Variants in SORCS1 observed in about 807,000 individuals in gnomAD.
SORCS1 encodes VPS10 domain-containing receptor SorCS1.
In SORCS1, 60 loss-of-function variants were observed where a neutral mutation model predicts 146.1. The ratio of observed to expected loss-of-function variants is 0.41; its 90% CI spans 0.33 to 0.51. The LOEUF (loss-of-function observed/expected upper bound fraction) is 0.51, where lower values mean the gene tolerates loss of function less well. Ranked by LOEUF, SORCS1 falls within the 20% of genes least tolerant of loss-of-function variation. The pLI is 0.21. For synonymous variants in SORCS1, 637 were observed against 584.0 expected, an observed-to-expected ratio of 1.09 and a Z score of -1.31; for missense variants, 1,352 against 1,487.6, an observed-to-expected ratio of 0.91 and a Z score of 1.50.
At chr10:106,844,178 T>C (rs911402603) in intron 2 of SORCS1, among the ~76,000 whole-genome samples, 1 of 152,254 alleles carries the variant, frequency 6.6e-6, no homozygotes, top group South Asian at 2.1e-4. Flanking sequence ...GCTTTTTATA[T>C]GCCATCTTTG....
chr10:106,845,072 T>C lies in SORCS1; in HGVS notation c.627-15399A>G, dbSNP rs1311282391. ...TGCATATGTCTTTATAGCAGCATGA[T>C]TTATAGTCCTTTGGGTATATACCCA... is the stretch of plus-strand genomic sequence containing the variant. On this transcript the variant is annotated intron_variant, in intron 2 of 25. Transcript: ENST00000263054. 2.4e-4 allele frequency among the ~76,000 whole-genome samples: 28 copies of C among 115,928 alleles called. 5 individuals carry two copies. In the Admixed American group the frequency reaches 2.5e-3, roughly 10 times the overall value. The allele number at this position is 115,928 out of a possible 152,430, so 76.1% of individuals were successfully genotyped here. A position where few individuals can be genotyped will look rare whatever the true frequency, so the allele number is the denominator to read the frequency against.
rs1847470099 is a variant in SORCS1, at chr10:106,617,758, AT to A, written c.2920+390del. On this transcript the variant is annotated intron_variant, in intron 21 of 25. Transcript: ENST00000263054. ...TTTTAAAGTATTTAGACAATGGCAG[AT>A]TTCCCTTATTAGTCAAGAATTTTAA... Among the ~76,000 whole-genome samples the A allele has an allele frequency of 2.6e-5, 4 of 151,962 alleles. No individual in the cohort carries two copies. In the South Asian group the frequency reaches 8.3e-4, roughly 32 times the overall value.
At chr10:106,926,335 C>A (rs1324611380) in intron 2 of SORCS1, among the ~76,000 whole-genome samples, 1 of 152,086 alleles carries the variant, frequency 6.6e-6, no homozygotes, top group Admixed American at 6.5e-5. Flanking sequence ...AGACTAAAGT[C>A]AAAAATAACT....
chr10:107,065,448 T>TTTCTTTCTTTC (rs147159020), intron 1 of SORCS1, among the ~76,000 whole-genome samples: 1 of 121,558 alleles, frequency 8.2e-6, no homozygotes, highest in African/African-American at 3.4e-5. Flanking sequence ...TCTTTCTTTC[T>TTTCTTTCTTTC]TTTCTCTCTT....
At chr10:106,986,302 A>G (rs1217843659) in intron 1 of SORCS1, among the ~76,000 whole-genome samples, 2 of 152,140 alleles carry the variant, frequency 1.3e-5, no homozygotes, top group Non-Finnish European at 2.9e-5. Context: ...CACGTGTAAA[A>G]AAATGATAAA....
At chr10:107,160,068 G>A (rs1175682058) in intron 1 of SORCS1, among the ~76,000 whole-genome samples, 1 of 152,176 alleles carries the variant, frequency 6.6e-6, no homozygotes, top group Non-Finnish European at 1.5e-5. Context: ...AACAACCAAA[G>A]CACTACTTAA....
At chr10:107,079,582 C>T (rs1194763098) in intron 1 of SORCS1, among the ~76,000 whole-genome samples, 1 of 152,188 alleles carries the variant, frequency 6.6e-6, no homozygotes, top group African/African-American at 2.4e-5. Context: ...AGCCAGAACA[C>T]AGAAAGGCTG....
chr10:107,139,720 C>T (rs561108060), intron 1 of SORCS1, among the ~76,000 whole-genome samples: 1 of 152,188 alleles, frequency 6.6e-6, no homozygotes, highest in East Asian at 1.9e-4. Context: ...GCAAGCTCTT[C>T]ACTGAACTAT....
intron 1 of SORCS1, among the ~76,000 whole-genome samples, chr10:107,033,102 A>G (rs920817902): frequency 1.3e-5 from 2 of 152,182 alleles, no homozygotes; most frequent in East Asian, 3.8e-4. Context: ...CTGGTTGGGG[A>G]GGCCTCAGGA....
chr10:106,805,197 T>C lies in SORCS1; in HGVS notation c.726+24377A>G, dbSNP rs566281027. ...ATCATAGCTGCAAATTAAACTAAAA[T>C]GGTGTTTAGAGATAACAAATCAATG... is the stretch of plus-strand genomic sequence containing the variant. On this transcript the variant is annotated intron_variant, in intron 3 of 25. Transcript: ENST00000263054. Among the ~76,000 whole-genome samples the C allele has an allele frequency of 1.5e-4, 23 of 152,284 alleles. No homozygotes were observed. The South Asian group carries it at 1.9e-3, about 12-fold the overall frequency.
rs767296473 is a variant in SORCS1, at chr10:106,671,312, C to T, written c.2114G>A (p.Arg705Gln). The change falls in exon 16 of 26, where the codon CGG becomes CAG. Residue 705 changes from arginine (R) to glutamine (Q), a missense_variant. Physicochemically the swap from Arg to Gln is conservative, Grantham distance 43. Transcript: ENST00000263054. ...TGCATATTTTCCTTGCATACACTTC[C>T]GCTCTGATTTTCGCTTCTTATATAT... ...KRIYKKRKSE[R>Q]KCMQGKYAGA... The T allele has an allele frequency of 1.5e-5, 25 of 1,614,030 alleles. No homozygotes were observed. Among genetic ancestry groups the T allele is most frequent in the Middle Eastern group, 1.6e-4 (1 of 6,084 alleles).
intron 25 of SORCS1, chr10:106,579,071 G>A: frequency 1.9e-6 from 3 of 1,612,854 alleles, no homozygotes; most frequent in Non-Finnish European, 2.5e-6. Context: ...AACAGCTGGT[G>A]GCTACTGGGA....
rs571710898 is a variant in SORCS1 at position 106,765,218 on chromosome 10, C to T, written c.886-3557G>A. ...TTCTAAAGTATCTGTGACTACATTG[C>T]ATTAGTAAATACAACTTAATGAGCA... On this transcript the variant is annotated intron_variant, in intron 4 of 25. Transcript: ENST00000263054. 1.4e-4 allele frequency among the ~76,000 whole-genome samples: 21 copies of T among 152,190 alleles called. No individual in the cohort carries two copies. The South Asian group carries it at 3.9e-3, about 29-fold the overall frequency.
At chr10:106,584,408 C>T (rs1845100686) in intron 24 of SORCS1, among the ~76,000 whole-genome samples, 1 of 152,216 alleles carries the variant, frequency 6.6e-6, no homozygotes, top group Admixed American at 6.5e-5. Context: ...TAGACTGAGG[C>T]AGCTCTGGCG....
chr10:106,904,031 G>C (rs553985030), intron 2 of SORCS1, among the ~76,000 whole-genome samples: 37 of 152,274 alleles, frequency 2.4e-4, no homozygotes, highest in African/African-American at 8.9e-4. Context: ...GCTGTTTTGT[G>C]CTTATAGATG....
At chr10:106,705,887 T>C (rs1267169033) in intron 8 of SORCS1, among the ~76,000 whole-genome samples, 1 of 152,140 alleles carries the variant, frequency 6.6e-6, no homozygotes, top group East Asian at 1.9e-4. Flanking sequence ...TTTGGGGAAG[T>C]CTAAAAAATT....
chr10:107,066,152 C>A lies in SORCS1; in HGVS notation c.558+97817G>T, dbSNP rs78731147. On this transcript the variant is annotated intron_variant, in intron 1 of 25. Transcript: ENST00000263054. ...TTAAGTTTGCATCAAATTAATCTAC[C>A]TGACTCCTTTTCTCATTTGGTCTGG... Among the ~76,000 whole-genome samples, 86 of 152,132 alleles carry A rather than the reference C, an allele frequency of 5.7e-4. No homozygotes were observed. In the East Asian group the frequency reaches 0.017, roughly 29 times the overall value.
chr10:106,824,279 G>A (rs61867328), intron 3 of SORCS1, among the ~76,000 whole-genome samples: 6 of 135,712 alleles, frequency 4.4e-5, no homozygotes, highest in Non-Finnish European at 7.7e-5. Flanking sequence ...AGGCAACAGA[G>A]CAAGACTCTA....
chr10:106,791,417 G>T (rs1420289451), intron 3 of SORCS1, among the ~76,000 whole-genome samples: 1 of 152,026 alleles, frequency 6.6e-6, no homozygotes, highest in Non-Finnish European at 1.5e-5. Context: ...ATGAATTTTG[G>T]CCAGGTACGG....
Sources: allele counts gnomAD v4.1 joint callset (sites outside exome capture counted in the v4.1 genomes callset), GRCh38; gene constraint gnomAD v4.1.1; transcripts MANE v1.5; gene names NCBI Gene and HGNC (gene_info 2026-07-23, HGNC 2026-07-21).